OTUD7A: variants seen among roughly 807,000 people sequenced by gnomAD.
OTUD7A encodes the protein OTU deubiquitinase 7A.
In OTUD7A, 12 loss-of-function variants were observed where a neutral mutation model predicts 65.7. The observed-to-expected ratio is 0.18, with a 90% CI of 0.12 to 0.30. The LOEUF is 0.30. OTUD7A is among the 10% of genes least tolerant of loss of function. The pLI is 1.00. For missense variants in OTUD7A, 1,148 were observed against 1,304.8 expected (o/e 0.88, Z 1.85); for synonymous variants, 641 against 586.3 (o/e 1.09, Z -1.35).
intron 1 of OTUD7A, among the ~76,000 whole-genome samples, chr15:31,662,077 G>A (rs1892180982): frequency 6.6e-6 from 1 of 152,204 alleles, no homozygotes; most frequent in Non-Finnish European, 1.5e-5. Context: ...ACACTTTGGT[G>A]CTGTCTTCTT....
At chr15:31,614,957 TGTATATC>T (rs1890540607) in intron 3 of OTUD7A, among the ~76,000 whole-genome samples, 1 of 152,202 alleles carries the variant, frequency 6.6e-6, no homozygotes, top group African/African-American at 2.4e-5. Context: ...TAGTCAAGGA[TGTATATC>T]GTAACCTCTA....
chr15:31,738,014 A>G (rs1393142948), intron 1 of OTUD7A, among the ~76,000 whole-genome samples: 1 of 152,260 alleles, frequency 6.6e-6, no homozygotes. Flanking sequence ...ATTGGGTGGT[A>G]TTATTAACAT....
chr15:31,508,960 G>A (rs2041629324), intron 8 of OTUD7A, among the ~76,000 whole-genome samples: 1 of 152,234 alleles, frequency 6.6e-6, no homozygotes, highest in African/African-American at 2.4e-5. Context: ...CTCGGGCTTT[G>A]AGAAAGTTAA....
chr15:31,598,324 T>C (rs904404281), intron 3 of OTUD7A, among the ~76,000 whole-genome samples: 2 of 152,224 alleles, frequency 1.3e-5, no homozygotes, highest in East Asian at 1.9e-4. Context: ...TTGGGACTGG[T>C]TGGACAGTGG....
At chr15:31,505,979 C>A (rs2041557136) in intron 8 of OTUD7A, among the ~76,000 whole-genome samples, 2 of 152,054 alleles carry the variant, frequency 1.3e-5, no homozygotes, top group South Asian at 4.1e-4. Flanking sequence ...ACCTCGTGAT[C>A]CACCTGCCTC....
chr15:31,648,439 C>T (rs1891741075), intron 3 of OTUD7A, among the ~76,000 whole-genome samples: 1 of 152,174 alleles, frequency 6.6e-6, no homozygotes, highest in Non-Finnish European at 1.5e-5. Flanking sequence ...GTGCTATCTG[C>T]TGGCATGCAG....
At chr15:31,774,350 T>C (rs1182441875) in intron 1 of OTUD7A, among the ~76,000 whole-genome samples, 1 of 152,280 alleles carries the variant, frequency 6.6e-6, no homozygotes, top group East Asian at 1.9e-4. Flanking sequence ...AGGGGCCTCC[T>C]GCCGGCTCTT....
intron 1 of OTUD7A, among the ~76,000 whole-genome samples, chr15:31,864,787 ACACACAC>A (rs1567061804): frequency 6.6e-6 from 1 of 152,028 alleles, no homozygotes; most frequent in Admixed American, 6.6e-5. Flanking sequence ...ACACACACAC[ACACACAC>A]AAGTCAAAGC....
At chr15:31,845,046 G>A (rs371222283) in intron 1 of OTUD7A, among the ~76,000 whole-genome samples, 3 of 152,206 alleles carry the variant, frequency 2.0e-5, no homozygotes, top group African/African-American at 4.8e-5. Flanking sequence ...CTTCACAGTC[G>A]ATAGGAGGCA....
At chr15:31,778,826 C>G (rs1157867874) in intron 1 of OTUD7A, among the ~76,000 whole-genome samples, 2 of 152,152 alleles carry the variant, frequency 1.3e-5, no homozygotes, top group Non-Finnish European at 2.9e-5. Flanking sequence ...TTTCCCCGCT[C>G]CCAGCCCCAT....
At chr15:31,865,114 G>A (rs1897845030) in intron 1 of OTUD7A, among the ~76,000 whole-genome samples, 1 of 152,198 alleles carries the variant, frequency 6.6e-6, no homozygotes, top group Non-Finnish European at 1.5e-5. Flanking sequence ...TTACTGTTCA[G>A]TGATGATTCT....
chr15:31,648,748 C>T (rs1380433633), intron 3 of OTUD7A, among the ~76,000 whole-genome samples: 2 of 152,020 alleles, frequency 1.3e-5, no homozygotes, highest in Non-Finnish European at 2.9e-5. Flanking sequence ...AACTTCTGCC[C>T]CCTGCCTTTA....
At chr15:31,589,683 G>A (rs551932668) in intron 3 of OTUD7A, among the ~76,000 whole-genome samples, 25 of 152,028 alleles carry the variant, frequency 1.6e-4, no homozygotes, top group South Asian at 6.3e-4. Flanking sequence ...AATGCCTGGC[G>A]GATGTGATTG....
chr15:31,503,014 G>A (rs1470016144), intron 9 of OTUD7A, among the ~76,000 whole-genome samples: 4 of 152,250 alleles, frequency 2.6e-5, no homozygotes, highest in Non-Finnish European at 4.4e-5. Context: ...CTGCACGCTG[G>A]AGGGAGGACA....
rs2041033606 is a variant in OTUD7A at position 31,477,060 on chromosome 15, C to T, written c.*6234G>A. ...GCCCTGACCTTCCAGTGCACCTCCACCAGTGGCCAATGGGGATACCCGGGG... is the reference window on the plus strand; with the variant it reads ...GCCCTGACCTTCCAGTGCACCTCCATCAGTGGCCAATGGGGATACCCGGGG... On this transcript the variant is annotated 3_prime_UTR_variant, in exon 13 of 13. Coordinates refer to ENST00000307050, the MANE Select transcript of OTUD7A (RefSeq NM_001382637.1). The T allele has an allele frequency of 6.6e-6, 1 of 152,460 alleles. No individual in the cohort carries two copies. The highest frequency in any genetic ancestry group is 2.1e-4 in the South Asian group (1 of 4,834). The allele number at this position is 152,460 out of a possible 1,614,324, so 9.4% of individuals were successfully genotyped here.
rs573645821 is a variant in OTUD7A at position 31,647,334 on chromosome 15, A to T, written c.151+7762T>A. Among the ~76,000 whole-genome samples the T allele has an allele frequency of 2.6e-5, 4 of 152,348 alleles. No homozygotes were observed. In the South Asian group the frequency reaches 8.3e-4, roughly 32 times the overall value. On this transcript the variant is annotated intron_variant, in intron 3 of 12. Coordinates refer to ENST00000307050, the MANE Select transcript of OTUD7A (RefSeq NM_001382637.1). ...AACGCCAGAGCCGTGAATTCTGCTA[A>T]ATCAGTGGCATGTGCTCAAGACTGG...
rs1168166471 is a variant in OTUD7A at position 31,567,935 on chromosome 15, G to A, written c.331+2083C>T. ...GAGTGAATGAGGTTTGGCAACCTCT[G>A]CCTAGATTTCAGAGGATGTATGGAA... is the stretch of plus-strand genomic sequence containing the variant. On this transcript the variant is annotated intron_variant, in intron 4 of 12. Coordinates refer to ENST00000307050, the MANE Select transcript of OTUD7A (RefSeq NM_001382637.1). 4.6e-5 allele frequency among the ~76,000 whole-genome samples: 7 copies of A among 152,390 alleles called. 1 individual carries two copies. In the South Asian group the frequency reaches 1.2e-3, roughly 27 times the overall value.
intron 1 of OTUD7A, among the ~76,000 whole-genome samples, chr15:31,783,287 C>G (rs1895588182): frequency 6.6e-6 from 1 of 152,128 alleles, no homozygotes; most frequent in Non-Finnish European, 1.5e-5. Context: ...ACAATCTCTC[C>G]CCCGTCTAGG....
Position 31,484,672 on chromosome 15 carries a change from T to C in OTUD7A, c.1424A>G (p.Gln475Arg). ...CGAGTCCAGCGAGTCGGCCAGGGACTGCACGTCCTCCCCTGCCGAGGCCGT... is the reference window on the plus strand; with the variant it reads ...CGAGTCCAGCGAGTCGGCCAGGGACCGCACGTCCTCCCCTGCCGAGGCCGT... ...SPTASAGEDV[Q>R]SLADSLDSDR... The change falls in exon 13 of 13, where the codon CAG becomes CGG. Residue 475 changes from glutamine to arginine, a missense_variant. Physicochemically the swap from Gln to Arg is conservative, Grantham distance 43. Transcript: ENST00000307050. This position sits in a 1 kb window ranked among gnomAD's most constrained non-coding sequence, Gnocchi z 4.5. 2 of 1,582,534 alleles carry C rather than the reference T, an allele frequency of 1.3e-6. No homozygotes were observed. The highest frequency in any genetic ancestry group is 2.3e-5 in the East Asian group (1 of 43,884).
Sources: gnomAD v4.1 joint callset for allele counts (sites outside exome capture counted in the v4.1 genomes callset) on GRCh38, gnomAD v4.1.1 for gene constraint, Gnocchi (gnomAD v3.1) non-coding constraint, MANE v1.5 for transcripts, NCBI Gene and HGNC (gene_info 2026-07-23, HGNC 2026-07-21) for gene names.